Variants in FNDC3A observed in about 807,000 individuals in gnomAD.
FNDC3A encodes the protein fibronectin type III domain containing 3A.
In FNDC3A, 32 loss-of-function variants were observed where a neutral mutation model predicts 148.9. The ratio of observed to expected loss-of-function variants is 0.21; its 90% confidence interval spans 0.16 to 0.29. FNDC3A has a LOEUF of 0.29. FNDC3A is among the 10% of genes least tolerant of loss of function. FNDC3A has a pLI of 1.00. For synonymous variants in FNDC3A, 472 were observed against 473.6 expected (o/e 1.00, Z 0.04); for missense variants, 1,191 against 1,452.8 (o/e 0.82, Z 2.93).
chr13:49,060,499 C>G (rs1197415272), intron 2 of FNDC3A, among the ~76,000 whole-genome samples: 1 of 151,900 alleles, frequency 6.6e-6, no homozygotes, highest in Non-Finnish European at 1.5e-5. Context: ...TAAAAATTAG[C>G]CAGGTGTGGT....
chr13:49,190,878 C>T, intron 17 of FNDC3A, 137 bp from the exon 18 acceptor site: 9 of 587,814 alleles, frequency 1.5e-5, no homozygotes, highest in South Asian at 2.6e-5. Context: ...GAACTTTATT[C>T]CTTTTTTGTT....
chr13:49,009,014 C>T (rs1411705986), intron 2 of FNDC3A, among the ~76,000 whole-genome samples: 1 of 152,110 alleles, frequency 6.6e-6, no homozygotes, highest in Non-Finnish European at 1.5e-5. Context: ...ATAGGGTTCA[C>T]TCTTAGTGTT....
intron 2 of FNDC3A, among the ~76,000 whole-genome samples, chr13:49,039,975 A>G (rs1486272236): frequency 2.6e-5 from 4 of 152,168 alleles, no homozygotes; most frequent in African/African-American, 4.8e-5. Flanking sequence ...CAGCCTCCCA[A>G]AGTACTGGGA....
chr13:49,008,186 A>G (rs1437235912), intron 2 of FNDC3A, among the ~76,000 whole-genome samples: 1 of 152,206 alleles, frequency 6.6e-6, no homozygotes, highest in Non-Finnish European at 1.5e-5. Flanking sequence ...AGAGATAGTT[A>G]TAATAAGCAG....
intron 2 of FNDC3A, among the ~76,000 whole-genome samples, chr13:49,010,444 T>TGAGG (rs1387765747): frequency 2.0e-5 from 3 of 152,014 alleles, no homozygotes; most frequent in African/African-American, 7.2e-5. Flanking sequence ...CCCCAGCAAG[T>TGAGG]GAGGCCACAG....
At chr13:49,045,789 CCTT>C in intron 2 of FNDC3A, 1 of 251,980 alleles carries the variant, frequency 4.0e-6, no homozygotes, top group East Asian at 6.7e-5. Flanking sequence ...TAATGACAGT[CCTT>C]TTTTTTTTTT....
intron 1 of FNDC3A, among the ~76,000 whole-genome samples, chr13:49,003,348 AACC>A (rs1421358042): frequency 6.6e-6 from 1 of 152,204 alleles, no homozygotes; most frequent in African/African-American, 2.4e-5. Flanking sequence ...TACAGGCATG[AACC>A]ACTGCACCCG....
chr13:49,032,942 A>C (rs1399680536), intron 2 of FNDC3A, among the ~76,000 whole-genome samples: 1 of 152,176 alleles, frequency 6.6e-6, no homozygotes, highest in Non-Finnish European at 1.5e-5. Context: ...TATATAATTT[A>C]AATGTGATTA....
At chr13:49,160,924 G>A (rs1884063388) in intron 8 of FNDC3A, among the ~76,000 whole-genome samples, 1 of 152,178 alleles carries the variant, frequency 6.6e-6, no homozygotes, top group South Asian at 2.1e-4. Context: ...ATGTAGTTAT[G>A]CGGTTTTGAG....
chr13:49,092,154 A>G (rs892856896), intron 3 of FNDC3A, among the ~76,000 whole-genome samples: 1 of 152,234 alleles, frequency 6.6e-6, no homozygotes, highest in African/African-American at 2.4e-5. Flanking sequence ...CTGCTGGGTC[A>G]TATGCCCCAA....
In FNDC3A at chr13:49,194,771, T is replaced by C. The variant is rs374684348; in HGVS notation, c.2227-2106T>C. 4.6e-5 allele frequency among the ~76,000 whole-genome samples: 7 copies of C among 152,284 alleles called. No individual in the cohort carries two copies. In the East Asian group the frequency reaches 1.2e-3, roughly 25 times the overall value. ...CAGTCTACTTCTTGTTTTATACATA[T>C]GATAGTATAAAAGGTTTCTTTTTTT... is the stretch of plus-strand genomic sequence containing the variant. On this transcript the variant is annotated intron_variant, in intron 19 of 25. Coordinates refer to ENST00000492622, the MANE Select transcript of FNDC3A (RefSeq NM_001079673.2).
chr13:49,108,276 A>T (rs1880326563), intron 3 of FNDC3A, among the ~76,000 whole-genome samples: 2 of 152,228 alleles, frequency 1.3e-5, no homozygotes, highest in African/African-American at 2.4e-5. Flanking sequence ...CAAAGTTCTC[A>T]ATAAATGAGG....
chr13:48,991,969 C>A (rs191310094), intron 1 of FNDC3A, among the ~76,000 whole-genome samples: 1 of 152,294 alleles, frequency 6.6e-6, no homozygotes, highest in East Asian at 1.9e-4. Context: ...TGTTGAATGT[C>A]TCGTGTAATT....
intron 15 of FNDC3A, 96 bp downstream of exon 15, chr13:49,186,198 TTA>T (rs1885560335): frequency 2.0e-5 from 21 of 1,075,136 alleles, no homozygotes; most frequent in Non-Finnish European, 2.7e-5. Context: ...AGTAAATTTG[TTA>T]TCTCAAGCCA....
chr13:49,190,914 T>G (rs1471187985), intron 17 of FNDC3A, 101 bp from the exon 18 acceptor site: 5 of 682,942 alleles, frequency 7.3e-6, no homozygotes, highest in Non-Finnish European at 1.2e-5. Flanking sequence ...TTTCAAATTA[T>G]CAGTGCAATA....
At chr13:48,976,630 G>A (rs1000664580) in intron 1 of FNDC3A, 1 of 152,354 alleles carries the variant, frequency 6.6e-6, no homozygotes, top group South Asian at 2.1e-4. Flanking sequence ...CTCCTGAGAG[G>A]ATCGCCCAGC....
chr13:49,109,904 T>A (rs1880432778), intron 3 of FNDC3A, among the ~76,000 whole-genome samples: 1 of 152,176 alleles, frequency 6.6e-6, no homozygotes, highest in African/African-American at 2.4e-5. Context: ...GTATGGAGAA[T>A]TACGTTATAC....
At chr13:49,019,623 C>T (rs563625333) in intron 2 of FNDC3A, among the ~76,000 whole-genome samples, 1 of 152,346 alleles carries the variant, frequency 6.6e-6, no homozygotes, top group South Asian at 2.1e-4. Flanking sequence ...ATCTTGGCTC[C>T]TCCCCTACAT....
chr13:48,983,774 T>A (rs79092156), intron 1 of FNDC3A, among the ~76,000 whole-genome samples: 1 of 152,210 alleles, frequency 6.6e-6, no homozygotes, highest in Non-Finnish European at 1.5e-5. Context: ...CGGTAGATAC[T>A]ATTATCACCA....
Sources: allele counts gnomAD v4.1 joint callset (sites outside exome capture counted in the v4.1 genomes callset), GRCh38; gene constraint gnomAD v4.1.1; transcripts MANE v1.5; gene names NCBI Gene and HGNC (gene_info 2026-07-23, HGNC 2026-07-21).